The following TTN variants were observed in gnomAD, a reference collection of about 807,000 sequenced individuals.
The protein encoded by TTN is titin.
In TTN, 1,525 loss-of-function variants were observed where a neutral mutation model predicts 3,223.0. The observed-to-expected ratio is 0.47, with a 90% CI of 0.45 to 0.49. The LOEUF (loss-of-function observed/expected upper bound fraction) is 0.49, where lower values mean the gene tolerates loss of function less well. Ranked by LOEUF, TTN falls within the 20% of genes least tolerant of loss-of-function variation. The probability of loss-of-function intolerance (pLI) is 0.00; values close to 1 mark genes in which losing one functional copy is unlikely to be tolerated. For missense variants in TTN, 40,786 were observed against 43,424.0 expected, an observed-to-expected ratio of 0.94 and a Z score of 5.40; for synonymous variants, 14,094 against 15,161.0, an observed-to-expected ratio of 0.93 and a Z score of 5.17.
chr2:178,789,826 A>T, intron 12 of TTN, 152 bp downstream of exon 12: 1 of 926,998 alleles, frequency 1.1e-6, no homozygotes, highest in Non-Finnish European at 1.6e-6. Flanking sequence ...AGATAAAATT[A>T]ATGATAATCA....
At chr2:178,764,836 C>T in intron 41 of TTN, 25 bp from the exon 42 acceptor site, 1 of 1,611,452 alleles carries the variant, frequency 6.2e-7, no homozygotes, top group Admixed American at 1.7e-5. Flanking sequence ...TGACAAATAG[C>T]CCATGAAAAA....
At position 178,777,075 on chromosome 2, in the gene TTN, A is replaced by G. The variant is rs149453892; in HGVS notation, c.4815-26T>C. The G allele has an allele frequency of 2.1e-3, 3,429 of 1,613,976 alleles. 56 individuals carry two copies. The South Asian group carries it at 0.022, about 10-fold the overall frequency. ...CTATAAAAAGTTGGGGGAGGGAATA[A>G]TCAATATAGTGGTATAGCTTCCCTG... On this transcript the variant is annotated intron_variant, in intron 27 of 362. Coordinates refer to ENST00000589042, the MANE Select transcript of TTN (RefSeq NM_001267550.2).
Position 178,711,160 on chromosome 2 carries a change from T to A in TTN, c.28076A>T (p.Asn9359Ile). ...TSFLDNTATLNIFKTDRSLAG... is the reference protein window; with the variant it reads ...TSFLDNTATLIIFKTDRSLAG... The stretch of plus-strand genomic sequence containing the variant: ...AAGGCTCCGGTCAGTTTTAAAAATA[T>A]TGAGTGTGGCTGTATTGTCTAAAAA... The change falls in exon 97 of 363, where the codon AAT (asparagine) becomes ATT (isoleucine). Residue 9359 changes from asparagine (N) to isoleucine (I), a missense_variant. Transcript: ENST00000589042. The A allele has an allele frequency of 6.2e-7, 1 of 1,613,868 alleles. No homozygotes were observed. Among genetic ancestry groups the A allele is most frequent in the Non-Finnish European group, 8.5e-7 (1 of 1,179,804 alleles).
chr2:178,589,075 A>G lies in TTN; in HGVS notation c.62650T>C (p.Cys20884Arg), dbSNP rs2154183548. 2.5e-6 allele frequency: 4 copies of G among 1,609,732 alleles called. No homozygotes were observed. Among genetic ancestry groups the G allele is most frequent in the Non-Finnish European group, 3.4e-6 (4 of 1,179,588 alleles). ...VDVSSDRCTV[C>R]WDPPEDDGGC... ...CCATCATCTTCTGGTGGATCCCAGC[A>G]AACAGTACACCTATCACTGGACACA... Residue 20884 changes from cysteine (C) to arginine (R), a missense_variant, in exon 304 of 363, where the codon TGC (cysteine) becomes CGC (arginine). By Grantham distance (180) the Cys-to-Arg change is radical (BLOSUM62 -3). Coordinates refer to ENST00000589042, the MANE Select transcript of TTN (RefSeq NM_001267550.2).
At chr2:178,695,524 T>C in intron 114 of TTN, 114 bp from the exon 115 acceptor site, 1 of 805,154 alleles carries the variant, frequency 1.2e-6, no homozygotes, top group Non-Finnish European at 2.0e-6. Context: ...AAGTATTATA[T>C]TTGGGATCGT....
At chr2:178,704,833 CA>C (rs756360410) in intron 104 of TTN, 43 bp downstream of exon 104, 1 of 1,609,390 alleles carries the variant, frequency 6.2e-7, no homozygotes, top group Admixed American at 1.7e-5. Context: ...TAATAATACT[CA>C]ATAATAACTT....
chr2:178,575,733 T>C lies in TTN; in HGVS notation c.70399A>G (p.Ile23467Val), dbSNP rs866974760. Residue 23467 changes from isoleucine to valine, a missense_variant, in exon 326 of 363, where the codon ATA becomes GTA. Transcript: ENST00000589042. This position sits in a 1 kb window ranked among gnomAD's most constrained non-coding sequence, Gnocchi z 4.0. ...CGTTTCTCTACAATGTAGTTTGTTATACGTGAGCCTCCATCTATCAGAGGG... is the reference window on the plus strand; with the variant it reads ...CGTTTCTCTACAATGTAGTTTGTTACACGTGAGCCTCCATCTATCAGAGGG... ...DLPLIDGGSR[I>V]TNYIVEKREA... The C allele has an allele frequency of 1.9e-6, 3 of 1,613,572 alleles. No homozygotes were observed. The highest frequency in any genetic ancestry group is 3.3e-4 in the Middle Eastern group (2 of 6,056).
Position 178,652,748 on chromosome 2 carries a change from T to C in TTN, c.38960-12A>G, listed in dbSNP as rs762658958. The C allele has an allele frequency of 6.2e-7, 1 of 1,611,656 alleles. No individual in the cohort carries two copies. The highest frequency in any genetic ancestry group is 1.1e-5 in the South Asian group (1 of 90,948). On this transcript the variant is annotated splice_polypyrimidine_tract_variant and intron_variant, in intron 200 of 362. Transcript: ENST00000589042. ...GGGAGCCTCTGGTACTTAAAAGATA[T>C]TAGTGAAATTACATTTAGGGGTTAT... is the stretch of plus-strand genomic sequence containing the variant.
intron 10 of TTN, 23 bp downstream of exon 10, chr2:178,792,049 A>T (rs532349113): frequency 6.2e-7 from 1 of 1,609,426 alleles, no homozygotes; most frequent in East Asian, 2.2e-5. Context: ...CAAACTACAA[A>T]ATATTTAGAA....
chr2:178,580,533 A>C lies in TTN; in HGVS notation c.66846T>G (p.Tyr22282Ter), dbSNP rs779240170. The C allele has an allele frequency of 6.2e-7, 1 of 1,612,804 alleles. No homozygotes were observed. The highest frequency in any genetic ancestry group is 1.7e-5 in the Admixed American group (1 of 59,952). The change falls in exon 317 of 363, where the codon TAT becomes TAG. Residue 22282 changes from tyrosine (Y) to a stop codon, truncating the protein, a stop_gained. Transcript: ENST00000589042. LOFTEE classifies it high-confidence loss of function. ...GAGGTGGGCGTCCTTTTACTGGTAC[A>C]TATAGTCTCATAGTAACTCCAGCAC... is the stretch of plus-strand genomic sequence containing the variant. ...ILRAGVTMRL[Y>*]VPVKGRPPPK... is the part of the protein sequence containing the mutation.
In TTN at chr2:178,774,114, T is replaced by C. The variant is rs2091914495; in HGVS notation, c.7058-4A>G. On this transcript the variant is annotated splice_region_variant and splice_polypyrimidine_tract_variant and intron_variant, in intron 30 of 362. Coordinates refer to ENST00000589042, the MANE Select transcript of TTN (RefSeq NM_001267550.2). The stretch of plus-strand genomic sequence containing the variant: ...TGTAGGATAGCAATGGGGCGGGCTG[T>C]GAAATATGGGGAGAAAAAGAATGTT... 4.3e-6 allele frequency: 7 copies of C among 1,614,052 alleles called. No homozygotes were observed. The highest frequency in any genetic ancestry group is 5.9e-6 in the Non-Finnish European group (7 of 1,179,956).
Position 178,739,870 on chromosome 2 carries a change from C to G in TTN, c.13363G>C (p.Val4455Leu), listed in dbSNP as rs1181805428. The G allele has an allele frequency of 1.4e-5, 22 of 1,613,860 alleles. No individual in the cohort carries two copies. The highest frequency in any genetic ancestry group is 1.9e-5 in the Non-Finnish European group (22 of 1,179,814). ...TCAACATCTTCAATAATGATGGTTACTTCTTCTGTTACAGACTTTGCCGAA... is the reference window on the plus strand; with the variant it reads ...TCAACATCTTCAATAATGATGGTTAGTTCTTCTGTTACAGACTTTGCCGAA... The part of the protein sequence containing the change: ...VTSAKSVTEE[V>L]TIIIEDVDPQ... The change falls in exon 48 of 363, where the codon GTA (valine) becomes CTA (leucine). Residue 4455 changes from valine (V) to leucine (L), a missense_variant. Transcript: ENST00000589042.
In TTN at chr2:178,527,163, T is replaced by G. The variant is rs2154129874; in HGVS notation, c.107825A>C (p.Gln35942Pro). The change falls in exon 363 of 363, where the codon CAG becomes CCG. Residue 35942 changes from glutamine to proline, a missense_variant. Coordinates refer to ENST00000589042, the MANE Select transcript of TTN (RefSeq NM_001267550.2). The stretch of plus-strand genomic sequence containing the variant: ...TGTGTTTTCAATGTGGAACCTCCCC[T>G]GTTCTTGACTGTGGATTTTTCTTCC... ...CGGRKIHSQE[Q>P]GRFHIENTDD... 6.2e-7 allele frequency: 1 copy of G among 1,614,018 alleles called. No homozygotes were observed. The highest frequency in any genetic ancestry group is 2.2e-5 in the East Asian group (1 of 44,870).
At chr2:178,586,447 A>G (rs1321983822) in intron 308 of TTN, 58 bp downstream of exon 308, 6 of 1,582,926 alleles carry the variant, frequency 3.8e-6, no homozygotes, top group Non-Finnish European at 4.3e-6. Flanking sequence ...GTCTACATAT[A>G]AAAGAAGAAA....
intron 219 of TTN, 64 bp from the exon 220 acceptor site, chr2:178,641,379 G>T: frequency 1.0e-6 from 1 of 953,724 alleles, no homozygotes; most frequent in Non-Finnish European, 1.5e-6. Flanking sequence ...GAATAAGCTT[G>T]ACAAATGCAA....
chr2:178,557,094 G>C lies in TTN; in HGVS notation c.88060C>G (p.Leu29354Val). The C allele has an allele frequency of 6.2e-7, 1 of 1,613,652 alleles. No individual in the cohort carries two copies. The highest frequency in any genetic ancestry group is 8.5e-7 in the Non-Finnish European group (1 of 1,179,774). ...TCGAAAGCTGGTTGTTGCCATGAAA[G>C]GCTGACAGAGTTCTTTGAAATATCA... ...ITDISKNSVSLSWQQPAFDGG... is the reference protein window; with the variant it reads ...ITDISKNSVSVSWQQPAFDGG... The change falls in exon 330 of 363, where the codon CTT becomes GTT. Residue 29354 changes from leucine to valine, a missense_variant. Physicochemically the swap from Leu to Val is conservative, Grantham distance 32. Transcript: ENST00000589042.
rs727504439 is a variant in TTN at position 178,552,114 on chromosome 2, G to A, written c.90786C>T (p.Ile30262=). Residue 30262 remains isoleucine, a synonymous_variant, in exon 335 of 363, where the codon ATC becomes ATT. Transcript: ENST00000589042. ...TAGTTTGTGAAGTTTCCCGCTTCTC[G>A]ATGCTGTAACAAGTAATTTCTCCTC... ...NGGGEITCYS[I]EKRETSQTNW... The A allele has an allele frequency of 7.4e-6, 12 of 1,613,574 alleles. No individual in the cohort carries two copies. In the African/African-American group the frequency reaches 1.2e-4, roughly 16 times the overall value.
chr2:178,600,861 G>A lies in TTN; in HGVS notation c.56043C>T (p.Asp18681=), dbSNP rs2053230533. 5.6e-6 allele frequency: 9 copies of A among 1,612,784 alleles called. No homozygotes were observed. Among genetic ancestry groups the A allele is most frequent in the Non-Finnish European group, 7.6e-6 (9 of 1,179,154 alleles). The part of the protein sequence containing the change: ...SATVGPVTVK[D]QTCPPSIDLK... The stretch of plus-strand genomic sequence containing the variant: ...CAGTACATTGGTACTTACATGTCTG[G>A]TCTTTGACAGTCACAGGGCCAACAG... The change falls in exon 288 of 363, where the codon GAC becomes GAT. Residue 18681 remains aspartate (D), a synonymous_variant. Coordinates refer to ENST00000589042, the MANE Select transcript of TTN (RefSeq NM_001267550.2).
chr2:178,701,669 A>C, intron 109 of TTN, 82 bp from the exon 110 acceptor site: 2 of 1,346,238 alleles, frequency 1.5e-6, no homozygotes, highest in Non-Finnish European at 2.1e-6. Context: ...GATTTATTAG[A>C]TCCTGAGATA....
Sources: gnomAD v4.1 joint callset for allele counts on GRCh38, gnomAD v4.1.1 for gene constraint, Gnocchi (gnomAD v3.1) non-coding constraint, MANE v1.5 for transcripts, NCBI Gene and HGNC (gene_info 2026-07-23, HGNC 2026-07-21) for gene names.